KIAA1328: variants seen among roughly 807,000 people sequenced by gnomAD.
The protein encoded by KIAA1328 is KIAA1328.
Under a neutral mutation model 68.1 loss-of-function variants are expected in KIAA1328, and 52 were observed. That is an observed-to-expected ratio of 0.76 (90% CI 0.61 to 0.96). The LOEUF is 0.96. Ranked by LOEUF, KIAA1328 falls within the 40% of genes least tolerant of loss-of-function variation. The probability of loss-of-function intolerance (pLI) is 0.00; values close to 1 mark genes in which losing one functional copy is unlikely to be tolerated. For missense variants in KIAA1328, 641 were observed against 677.6 expected (o/e 0.95, Z 0.60); for synonymous variants, 232 against 239.4 (o/e 0.97, Z 0.28).
intron 1 of KIAA1328, among the ~76,000 whole-genome samples, chr18:36,831,703 T>C (rs2150751765): frequency 6.6e-6 from 1 of 152,296 alleles, no homozygotes. Context: ...AAAAATAATA[T>C]ATTAGCCCAG....
At chr18:36,830,234 G>A (rs1420924079) in intron 1 of KIAA1328, among the ~76,000 whole-genome samples, 1 of 151,780 alleles carries the variant, frequency 6.6e-6, no homozygotes, top group Non-Finnish European at 1.5e-5. Context: ...TAGAGAGAGG[G>A]ATATGTTTGT....
intron 8 of KIAA1328, among the ~76,000 whole-genome samples, chr18:37,167,011 C>A (rs1203731447): frequency 6.6e-6 from 1 of 152,180 alleles, no homozygotes; most frequent in African/African-American, 2.4e-5. Context: ...AACACAAATT[C>A]TTCTCAGACT....
rs2048823870 is a variant in KIAA1328 at position 36,895,048 on chromosome 18, G to T, written c.448+9376G>T. ...ATCTAATTTCTGTTTCTTTGTCATT[G>T]CTTGTTTTACTAATTTCCTTCTTCA... On this transcript the variant is annotated intron_variant, in intron 5 of 9. Transcript: ENST00000280020. Among the ~76,000 whole-genome samples the T allele has an allele frequency of 3.3e-5, 5 of 152,062 alleles. No homozygotes were observed. In the South Asian group the frequency reaches 1.0e-3, roughly 32 times the overall value.
chr18:36,959,500 T>G, intron 6 of KIAA1328, 65 bp downstream of exon 6: 1 of 1,515,300 alleles, frequency 6.6e-7, no homozygotes, highest in Non-Finnish European at 8.9e-7. Flanking sequence ...AAGAGCCATT[T>G]GTTTTTTATC....
intron 5 of KIAA1328, among the ~76,000 whole-genome samples, chr18:36,945,886 T>A (rs770964590): frequency 4.6e-5 from 7 of 152,226 alleles, no homozygotes; most frequent in Non-Finnish European, 8.8e-5. Context: ...TGTTATTACA[T>A]GTTGAATATC....
chr18:37,212,862 A>G (rs955602712), intron 9 of KIAA1328, among the ~76,000 whole-genome samples: 1 of 151,948 alleles, frequency 6.6e-6, no homozygotes, highest in African/African-American at 2.4e-5. Context: ...CTGGGACTAC[A>G]GGCACGAGCC....
At chr18:37,084,096 T>C (rs2057027879) in intron 7 of KIAA1328, 2 of 1,355,880 alleles carry the variant, frequency 1.5e-6, no homozygotes, top group Admixed American at 6.1e-5. Context: ...CTTCACAAGA[T>C]TAGAAATTTT....
chr18:37,124,556 C>T (rs921835334), intron 7 of KIAA1328, among the ~76,000 whole-genome samples: 18 of 152,190 alleles, frequency 1.2e-4, no homozygotes, highest in Admixed American at 8.5e-4. Context: ...ATGTGCATCA[C>T]GGTCATGTCA....
chr18:37,105,321 A>G (rs894870757), intron 7 of KIAA1328, among the ~76,000 whole-genome samples: 1 of 151,996 alleles, frequency 6.6e-6, no homozygotes, highest in African/African-American at 2.4e-5. Flanking sequence ...TGAGCAACAC[A>G]GGAAGACCCT....
intron 4 of KIAA1328, among the ~76,000 whole-genome samples, chr18:36,859,469 C>G (rs943601237): frequency 1.7e-4 from 26 of 151,758 alleles, no homozygotes; most frequent in Admixed American, 9.2e-4. Flanking sequence ...AAAAAATGAT[C>G]AGTTCCCTCC....
chr18:36,897,122 C>T (rs1256141856), intron 5 of KIAA1328, among the ~76,000 whole-genome samples: 1 of 151,986 alleles, frequency 6.6e-6, no homozygotes, highest in African/African-American at 2.4e-5. Context: ...AACAGAATAT[C>T]TGAATTGTAT....
At chr18:36,967,151 A>G (rs558092830) in intron 6 of KIAA1328, among the ~76,000 whole-genome samples, 20 of 152,342 alleles carry the variant, frequency 1.3e-4, no homozygotes, top group African/African-American at 4.8e-4. Flanking sequence ...GCCCGATCTA[A>G]TAAATAAGAA....
intron 5 of KIAA1328, among the ~76,000 whole-genome samples, chr18:36,911,895 C>CATT (rs1469623578): frequency 2.0e-5 from 3 of 152,050 alleles, no homozygotes; most frequent in African/African-American, 7.2e-5. Flanking sequence ...TTGACATTAT[C>CATT]ATTATTATAA....
chr18:37,139,147 T>TA (rs1197996198), intron 7 of KIAA1328, among the ~76,000 whole-genome samples: 3 of 151,968 alleles, frequency 2.0e-5, no homozygotes, highest in Non-Finnish European at 4.4e-5. Flanking sequence ...GTATTTTTAG[T>TA]AGAGACGGGG....
intron 7 of KIAA1328, among the ~76,000 whole-genome samples, chr18:37,091,991 CCA>C (rs1191763976): frequency 5.3e-5 from 8 of 152,092 alleles, no homozygotes; most frequent in African/African-American, 1.7e-4. Context: ...TGGGGACTGG[CCA>C]ACTCGTATGC....
chr18:36,883,969 T>TATATATATATAC (rs1032694969), intron 4 of KIAA1328, among the ~76,000 whole-genome samples: 4 of 148,742 alleles, frequency 2.7e-5, no homozygotes, highest in Non-Finnish European at 6.0e-5. Flanking sequence ...TATATATATA[T>TATATATATATAC]ACACACACAG....
At chr18:37,051,019 TA>T (rs1283712821) in intron 6 of KIAA1328, among the ~76,000 whole-genome samples, 1 of 152,162 alleles carries the variant, frequency 6.6e-6, no homozygotes, top group East Asian at 1.9e-4. Flanking sequence ...TAAAGGGACT[TA>T]CCTAAAACAA....
intron 4 of KIAA1328, among the ~76,000 whole-genome samples, chr18:36,845,377 A>T (rs1342998113): frequency 6.6e-6 from 1 of 151,768 alleles, no homozygotes; most frequent in African/African-American, 2.4e-5. Context: ...CTACATAATA[A>T]GTCCTTTGAT....
At chr18:37,194,165 T>G (rs1303380644) in intron 9 of KIAA1328, among the ~76,000 whole-genome samples, 1 of 152,224 alleles carries the variant, frequency 6.6e-6, no homozygotes, top group East Asian at 1.9e-4. Flanking sequence ...ATAAGTACAT[T>G]TTAAATTTTG....
Sources: allele counts gnomAD v4.1 joint callset (sites outside exome capture counted in the v4.1 genomes callset), GRCh38; gene constraint gnomAD v4.1.1; transcripts MANE v1.5; gene names NCBI Gene and HGNC (gene_info 2026-07-23, HGNC 2026-07-21).